The following ZNF713 variants were observed in gnomAD, a reference collection of about 807,000 sequenced individuals.
ZNF713 encodes the protein zinc finger protein 713.
ZNF713 carries 21 observed loss-of-function variants against 28.7 expected under a neutral mutation model. The observed-to-expected ratio is 0.73, with a 90% CI of 0.52 to 1.05. The LOEUF (loss-of-function observed/expected upper bound fraction) is 1.05, where lower values mean the gene tolerates loss of function less well. Among genes scored for constraint, ZNF713 ranks in the 50% least tolerant of loss-of-function variants. ZNF713 has a pLI of 0.00. For missense variants in ZNF713, 458 were observed against 532.4 expected (o/e 0.86, Z 1.37); for synonymous variants, 167 against 178.0 (o/e 0.94, Z 0.49).
At chr7:55,922,073 G>A (rs1198104222) in intron 4 of ZNF713, among the ~76,000 whole-genome samples, 4 of 152,020 alleles carry the variant, frequency 2.6e-5, no homozygotes, top group Non-Finnish European at 5.9e-5. Flanking sequence ...TTACAGGCAC[G>A]TGCCACCATG....
chr7:55,896,993 T>C (rs1785484753), intron 1 of ZNF713, among the ~76,000 whole-genome samples: 1 of 152,204 alleles, frequency 6.6e-6, no homozygotes, highest in South Asian at 2.1e-4. Flanking sequence ...TATTTGACTT[T>C]TAACTCATAG....
At chr7:55,915,061 G>A (rs184019136) in intron 4 of ZNF713, among the ~76,000 whole-genome samples, 15 of 152,276 alleles carry the variant, frequency 9.9e-5, no homozygotes, top group African/African-American at 3.1e-4. Flanking sequence ...CACCATGTTG[G>A]CCAGGCTAGT....
At chr7:55,912,594 C>T (rs1383034085) in intron 3 of ZNF713, 41 bp from the exon 4 acceptor site, 1 of 1,434,852 alleles carries the variant, frequency 7.0e-7, no homozygotes, top group East Asian at 2.3e-5. Flanking sequence ...TAAATTTAAC[C>T]TTCGTGTCAT....
chr7:55,896,057 T>G (rs985979515), intron 1 of ZNF713, among the ~76,000 whole-genome samples: 6 of 152,186 alleles, frequency 3.9e-5, no homozygotes, highest in Admixed American at 6.5e-5. Context: ...TTCAGAAATA[T>G]GAGGGACATC....
chr7:55,910,029 A>G (rs1785757395), intron 2 of ZNF713, among the ~76,000 whole-genome samples: 1 of 151,088 alleles, frequency 6.6e-6, no homozygotes. Flanking sequence ...GTATATATAT[A>G]TATGTATTTT....
At chr7:55,892,871 G>GAA (rs1194009107) in intron 1 of ZNF713, among the ~76,000 whole-genome samples, 112 of 123,600 alleles carry the variant, frequency 9.1e-4, no homozygotes, top group East Asian at 4.1e-3. Flanking sequence ...AATTGTTTGG[G>GAA]AAAAAAAAAA....
chr7:55,912,492 AAGAGT>A, intron 3 of ZNF713, 138 bp from the exon 4 acceptor site: 1 of 584,458 alleles, frequency 1.7e-6, no homozygotes, highest in Non-Finnish European at 3.0e-6. Context: ...AACATCATAG[AAGAGT>A]AGAGACGTCA....
chr7:55,912,959 C>T (rs111375108), intron 4 of ZNF713, among the ~76,000 whole-genome samples: 6,214 of 152,204 alleles, frequency 0.041, 150 homozygotes, highest in Admixed American at 0.059. Flanking sequence ...CTGTTCTGGA[C>T]GCTGTGAAGA....
chr7:55,916,743 A>G (rs1265851685), intron 4 of ZNF713, among the ~76,000 whole-genome samples: 8 of 152,256 alleles, frequency 5.3e-5, no homozygotes, highest in Non-Finnish European at 7.3e-5. Context: ...GGAAAAAGAT[A>G]AAGTTGGATC....
rs990150490 is a variant in ZNF713 at position 55,941,587 on chromosome 7, C to A, written c.*1581C>A. ...TTGTATGCTTTCTTTACAGTTTTTA[C>A]CATATCTAGTATTTACTTAATATTC... On this transcript the variant is annotated 3_prime_UTR_variant, in exon 7 of 7. Coordinates refer to ENST00000429591, the MANE Select transcript of ZNF713 (RefSeq NM_182633.3). 1.3e-5 allele frequency: 2 copies of A among 151,646 alleles called. No individual in the cohort carries two copies. The highest frequency in any genetic ancestry group is 4.8e-5 in the African/African-American group (2 of 41,258). The allele number at this position is 151,646 out of a possible 1,614,324, so 9.4% of individuals were successfully genotyped here. A position where few individuals can be genotyped will look rare whatever the true frequency, so the allele number is the denominator to read the frequency against.
chr7:55,900,829 C>G (rs139931115), intron 1 of ZNF713, among the ~76,000 whole-genome samples: 2 of 152,234 alleles, frequency 1.3e-5, no homozygotes, highest in African/African-American at 4.8e-5. Flanking sequence ...CTTTCTGTCT[C>G]TCTGTCTCTT....
At chr7:55,936,489 T>G (rs1786349739) in intron 6 of ZNF713, among the ~76,000 whole-genome samples, 1 of 152,084 alleles carries the variant, frequency 6.6e-6, no homozygotes, top group Non-Finnish European at 1.5e-5. Flanking sequence ...GTGTCCCAAT[T>G]AAGACAATAA....
At chr7:55,897,854 G>A (rs756042592) in intron 1 of ZNF713, among the ~76,000 whole-genome samples, 3 of 151,856 alleles carry the variant, frequency 2.0e-5, no homozygotes, top group Admixed American at 6.6e-5. Context: ...AGTTCCTGCC[G>A]CAGAGCTCCT....
Position 55,892,613 on chromosome 7 carries a change from C to T in ZNF713, c.-583+4933C>T, listed in dbSNP as rs148695634. Among the ~76,000 whole-genome samples, 155 of 149,732 alleles carry T rather than the reference C, an allele frequency of 1.0e-3. 2 individuals are homozygous for T. The highest frequency in any genetic ancestry group is 3.6e-3 in the African/African-American group (146 of 40,756). ...ATAGGCTGGGCGCGGTGGCTCACGC[C>T]TGTAATCCCAGCACTTTAGGAGACC... On this transcript the variant is annotated intron_variant, in intron 1 of 6. Transcript: ENST00000429591.
intron 2 of ZNF713, 102 bp from the exon 3 acceptor site, chr7:55,911,514 T>C (rs944977606): frequency 3.3e-5 from 5 of 152,034 alleles, no homozygotes; most frequent in African/African-American, 1.2e-4. Flanking sequence ...GTGCTCTGTC[T>C]GTGTGAAGAA....
At chr7:55,899,559 G>T (rs979790132) in intron 1 of ZNF713, among the ~76,000 whole-genome samples, 1 of 151,354 alleles carries the variant, frequency 6.6e-6, no homozygotes, top group African/African-American at 2.4e-5. Flanking sequence ...TGTAATCCCA[G>T]CTACTCAGGA....
chr7:55,911,624 C>T lies in ZNF713; in HGVS notation c.-447C>T, dbSNP rs1430919340. On this transcript the variant is annotated 5_prime_UTR_variant, in exon 3 of 7. Coordinates refer to ENST00000429591, the MANE Select transcript of ZNF713 (RefSeq NM_182633.3). ...GGTGCATCTCATTACAGGTCTTCAA[C>T]CTAAAATTCTATCTTACAAGATCCT... 6.6e-6 allele frequency: 1 copy of T among 151,998 alleles called. No individual in the cohort carries two copies. The highest frequency in any genetic ancestry group is 1.5e-5 in the Non-Finnish European group (1 of 68,016). 9.4% of individuals were successfully genotyped at this position (151,998 alleles called of 1,614,324 possible).
At chr7:55,902,993 CAAAAAAAAAAAA>C (rs35706402) in intron 1 of ZNF713, among the ~76,000 whole-genome samples, 2 of 80,786 alleles carry the variant, frequency 2.5e-5, no homozygotes, top group Non-Finnish European at 4.6e-5. Context: ...AACTCCGTCT[CAAAAAAAAAAAA>C]AAAAAAAAAA....
chr7:55,908,505 T>A (rs1268859757), intron 2 of ZNF713, among the ~76,000 whole-genome samples: 1 of 152,204 alleles, frequency 6.6e-6, no homozygotes, highest in East Asian at 1.9e-4. Flanking sequence ...GGTATCTCCT[T>A]GTGGTTTGAA....
Sources: allele counts gnomAD v4.1 joint callset (sites outside exome capture counted in the v4.1 genomes callset), GRCh38; gene constraint gnomAD v4.1.1; transcripts MANE v1.5; gene names NCBI Gene and HGNC (gene_info 2026-07-23, HGNC 2026-07-21).